Variants in BDH2 observed in about 807,000 individuals in gnomAD.
BDH2 encodes the protein 3-hydroxybutyrate dehydrogenase 2, also known as dehydrogenase/reductase SDR family member 6.
Under a neutral mutation model 33.2 loss-of-function variants are expected in BDH2, and 24 were observed. The observed-to-expected ratio is 0.72, with a 90% CI of 0.52 to 1.02. The LOEUF (loss-of-function observed/expected upper bound fraction) is 1.02, where lower values mean the gene tolerates loss of function less well. BDH2 is among the 50% of genes least tolerant of loss of function. The probability of loss-of-function intolerance (pLI) is 0.00; values close to 1 mark genes in which losing one functional copy is unlikely to be tolerated. For missense variants in BDH2, 249 were observed against 301.6 expected, an observed-to-expected ratio of 0.83 and a Z score of 1.29; for synonymous variants, 81 against 101.6, an observed-to-expected ratio of 0.80 and a Z score of 1.22.
intron 5 of BDH2, among the ~76,000 whole-genome samples, chr4:103,088,822 C>A (rs1747929380): frequency 6.6e-6 from 1 of 152,146 alleles, no homozygotes; most frequent in Non-Finnish European, 1.5e-5. Context: ...GGACTAACAA[C>A]CTTGATTCAT....
intron 8 of BDH2, among the ~76,000 whole-genome samples, chr4:103,082,455 CTA>C: frequency 6.6e-6 from 1 of 152,260 alleles, no homozygotes; most frequent in East Asian, 1.9e-4. Flanking sequence ...ATAAAATTTA[CTA>C]TCTTAACCAT....
chr4:103,087,852 T>G (rs1747871908), intron 5 of BDH2, among the ~76,000 whole-genome samples: 1 of 152,224 alleles, frequency 6.6e-6, no homozygotes, highest in South Asian at 2.1e-4. Flanking sequence ...AAATGACTTC[T>G]GTTGGGACGA....
chr4:103,091,419 A>G (rs1748082146), intron 4 of BDH2, 134 bp from the exon 5 acceptor site: 3 of 587,304 alleles, frequency 5.1e-6, no homozygotes, highest in East Asian at 2.9e-5. Context: ...AACAATTCAT[A>G]GTATCACTTA....
chr4:103,078,865 C>A lies in BDH2; in HGVS notation c.*837G>T, dbSNP rs557516057. Among the ~76,000 whole-genome samples the A allele has an allele frequency of 2.0e-5, 3 of 152,218 alleles. No individual in the cohort carries two copies. The South Asian group carries it at 6.2e-4, about 32-fold the overall frequency. On this transcript the variant is annotated 3_prime_UTR_variant, in exon 10 of 10. Coordinates refer to ENST00000296424, the MANE Select transcript of BDH2 (RefSeq NM_020139.4). ...CAAACTCTTGGGCTCAAGTAATCCT[C>A]CTGCCTTAGCCTCTGTTAACCATGC...
At chr4:103,081,150 A>T (rs1027775510) in intron 9 of BDH2, among the ~76,000 whole-genome samples, 1 of 152,242 alleles carries the variant, frequency 6.6e-6, no homozygotes, top group Non-Finnish European at 1.5e-5. Flanking sequence ...CTTGTGCTCT[A>T]TACCTTATAA....
chr4:103,089,130 T>A (rs989470718), intron 5 of BDH2, among the ~76,000 whole-genome samples: 2 of 152,238 alleles, frequency 1.3e-5, no homozygotes, highest in African/African-American at 4.8e-5. Flanking sequence ...TCTGACCAGC[T>A]GACCTTCCAG....
chr4:103,096,380 G>T, intron 1 of BDH2, 106 bp from the exon 2 acceptor site: 2 of 665,066 alleles, frequency 3.0e-6, no homozygotes, highest in East Asian at 5.5e-5. Context: ...ATAATTTAGT[G>T]AGCTCCTTCA....
At chr4:103,095,523 A>T (rs1041203139) in intron 2 of BDH2, among the ~76,000 whole-genome samples, 1 of 152,174 alleles carries the variant, frequency 6.6e-6, no homozygotes, top group Non-Finnish European at 1.5e-5. Flanking sequence ...AAGTAATATC[A>T]AACAAAATAA....
chr4:103,098,763 C>T (rs1264653729), intron 1 of BDH2: 1 of 152,224 alleles, frequency 6.6e-6, no homozygotes. Context: ...CACAGCCTTA[C>T]CTAGTTCTCT....
intron 1 of BDH2, chr4:103,097,879 T>G (rs941794037): frequency 1.3e-5 from 2 of 152,260 alleles, no homozygotes; most frequent in African/African-American, 2.4e-5. Flanking sequence ...TACAGGTTGA[T>G]AGCCTTGCCT....
At chr4:103,085,107 T>C (rs578081607) in intron 7 of BDH2, among the ~76,000 whole-genome samples, 1 of 152,318 alleles carries the variant, frequency 6.6e-6, no homozygotes, top group Admixed American at 6.5e-5. Context: ...ACCCCTATAG[T>C]TATTAAGAAA....
At position 103,082,176 on chromosome 4, in the gene BDH2, G is replaced by A. The variant is rs2110694941; in HGVS notation, c.592-3C>T. The stretch of plus-strand genomic sequence containing the variant: ...CTCTTCAGGAAATCATTCCGTGCCT[G>A]TGACCAGAGACCATACCAGACATTA... On this transcript the variant is annotated splice_polypyrimidine_tract_variant and splice_region_variant and intron_variant, in intron 8 of 9. Transcript: ENST00000296424. 1 of 1,612,852 alleles carries A rather than the reference G, an allele frequency of 6.2e-7. No homozygotes were observed. Among genetic ancestry groups the A allele is most frequent in the Non-Finnish European group, 8.5e-7 (1 of 1,178,840 alleles).
rs762717905 is a variant in BDH2 at position 103,096,175 on chromosome 4, T to C, written c.72+8A>G. 1.7e-5 allele frequency: 28 copies of C among 1,606,996 alleles called. No homozygotes were observed. Among genetic ancestry groups the C allele is most frequent in the East Asian group, 8.9e-5 (4 of 44,788 alleles). On this transcript the variant is annotated splice_region_variant and intron_variant, in intron 2 of 9. Coordinates refer to ENST00000296424, the MANE Select transcript of BDH2 (RefSeq NM_020139.4). ...GGCAAACAACAAAGATAGTAACTTA[T>C]AACTTACTAAGGCAGCTGCTTGGCC...
At chr4:103,081,753 C>A (rs1747536613) in intron 9 of BDH2, among the ~76,000 whole-genome samples, 1 of 152,186 alleles carries the variant, frequency 6.6e-6, no homozygotes, top group Non-Finnish European at 1.5e-5. Context: ...CCTGGAGGTT[C>A]AATTTTTTGA....
Position 103,079,756 on chromosome 4 carries a change from C to T in BDH2, c.685-1G>A. The T allele has an allele frequency of 1.2e-6, 2 of 1,613,330 alleles. No individual in the cohort carries two copies. Among genetic ancestry groups the T allele is most frequent in the Non-Finnish European group, 1.7e-6 (2 of 1,179,296 alleles). On this transcript the variant is annotated splice_acceptor_variant, in intron 9 of 9. Coordinates refer to ENST00000296424, the MANE Select transcript of BDH2 (RefSeq NM_020139.4). LOFTEE classifies it high-confidence loss of function. ...CAGGGTTACCAGTTACATAAGCAGA[C>T]TGCAGTGATAAACACAAGGAGACAG...
chr4:103,084,792 A>G (rs1747694915), intron 7 of BDH2, among the ~76,000 whole-genome samples: 2 of 152,138 alleles, frequency 1.3e-5, no homozygotes. Flanking sequence ...ATTCAATCAG[A>G]ATCTCTTGTG....
intron 5 of BDH2, among the ~76,000 whole-genome samples, chr4:103,087,751 A>G (rs1216283823): frequency 1.3e-5 from 2 of 152,182 alleles, no homozygotes; most frequent in African/African-American, 4.8e-5. Flanking sequence ...AATAAAGAAA[A>G]CTGCTATGAA....
At position 103,096,282 on chromosome 4, in the gene BDH2, C is replaced by T; in HGVS notation, c.-20-8G>A. ...TGGAACCTGTGGTTTAATCTAAAGACATGTGTGTTTAATGGGTTATACTGT... is the reference window on the plus strand; with the variant it reads ...TGGAACCTGTGGTTTAATCTAAAGATATGTGTGTTTAATGGGTTATACTGT... On this transcript the variant is annotated splice_region_variant and splice_polypyrimidine_tract_variant and intron_variant, in intron 1 of 9. Coordinates refer to ENST00000296424, the MANE Select transcript of BDH2 (RefSeq NM_020139.4). 4.4e-6 allele frequency: 7 copies of T among 1,585,380 alleles called. No homozygotes were observed. The African/African-American group carries it at 5.4e-5, about 12-fold the overall frequency.
At chr4:103,087,805 G>T (rs1747869403) in intron 5 of BDH2, among the ~76,000 whole-genome samples, 1 of 152,138 alleles carries the variant, frequency 6.6e-6, no homozygotes, top group African/African-American at 2.4e-5. Flanking sequence ...CATGTACATA[G>T]AAGTCTCAAT....
Sources: gnomAD v4.1 joint callset for allele counts (sites outside exome capture counted in the v4.1 genomes callset) on GRCh38, gnomAD v4.1.1 for gene constraint, MANE v1.5 for transcripts, NCBI Gene and HGNC (gene_info 2026-07-23, HGNC 2026-07-21) for gene names.